CCDC6: variants seen among roughly 807,000 people sequenced by gnomAD.
CCDC6 encodes the protein coiled-coil domain containing 6, also known as coiled-coil domain-containing protein 6.
CCDC6 carries 20 observed loss-of-function variants against 56.6 expected under a neutral mutation model. The ratio of observed to expected loss-of-function variants is 0.35; its 90% CI spans 0.25 to 0.51. The LOEUF (loss-of-function observed/expected upper bound fraction) is 0.51, where lower values mean the gene tolerates loss of function less well. Among genes scored for constraint, CCDC6 ranks in the 20% least tolerant of loss-of-function variants. The pLI is 0.95. For missense variants in CCDC6, 367 were observed against 601.1 expected (o/e 0.61, Z 4.07); for synonymous variants, 241 against 234.4 (o/e 1.03, Z -0.26).
chr10:59,875,673 T>C (rs571897956), intron 1 of CCDC6, among the ~76,000 whole-genome samples: 1 of 152,316 alleles, frequency 6.6e-6, no homozygotes, highest in African/African-American at 2.4e-5. Flanking sequence ...TTTGAGTTAG[T>C]GGTCTGCGCC....
intron 1 of CCDC6, among the ~76,000 whole-genome samples, chr10:59,899,258 G>A (rs2071486475): frequency 6.6e-6 from 1 of 152,096 alleles, no homozygotes. Flanking sequence ...TGCCAACTTT[G>A]ACAATTCAAT....
intron 1 of CCDC6, among the ~76,000 whole-genome samples, chr10:59,884,573 T>G (rs937235458): frequency 6.6e-6 from 1 of 152,064 alleles, no homozygotes; most frequent in African/African-American, 2.4e-5. Context: ...CAGAATACTT[T>G]ACAGCAAGCC....
At chr10:59,866,330 T>C (rs967942037) in intron 1 of CCDC6, among the ~76,000 whole-genome samples, 2 of 152,196 alleles carry the variant, frequency 1.3e-5, no homozygotes, top group Admixed American at 6.5e-5. Flanking sequence ...GGGATTAAGC[T>C]GCACAGAGGA....
intron 1 of CCDC6, among the ~76,000 whole-genome samples, chr10:59,891,693 T>C (rs1352621610): frequency 6.6e-6 from 1 of 152,176 alleles, no homozygotes; most frequent in Non-Finnish European, 1.5e-5. Context: ...AAGGCTCCAA[T>C]AGTTTTGGCT....
At chr10:59,806,717 T>C in intron 6 of CCDC6, 1 of 457,244 alleles carries the variant, frequency 2.2e-6, no homozygotes, top group Non-Finnish European at 3.9e-6. Flanking sequence ...AGAGAGGTGA[T>C]TTTTTTCATC....
intron 5 of CCDC6, 63 bp downstream of exon 5, chr10:59,812,572 C>A (rs2070682113): frequency 9.0e-7 from 1 of 1,111,804 alleles, no homozygotes; most frequent in South Asian, 1.8e-5. Context: ...TTGGTAATAC[C>A]CTATATTTGG....
chr10:59,882,844 C>T (rs975321573), intron 1 of CCDC6, among the ~76,000 whole-genome samples: 5 of 152,082 alleles, frequency 3.3e-5, no homozygotes, highest in African/African-American at 1.2e-4. Context: ...CCTGTAATCC[C>T]AGCTACTCAG....
intron 1 of CCDC6, among the ~76,000 whole-genome samples, chr10:59,865,577 G>A (rs957105365): frequency 3.3e-5 from 5 of 152,146 alleles, no homozygotes; most frequent in African/African-American, 7.2e-5. Flanking sequence ...ATTCTAGCTG[G>A]GCACGGTGGC....
At position 59,852,696 on chromosome 10, in the gene CCDC6, T is replaced by C; in HGVS notation, c.310A>G (p.Arg104Gly). 6.5e-7 allele frequency: 1 copy of C among 1,544,332 alleles called. No homozygotes were observed. Among genetic ancestry groups the C allele is most frequent in the Non-Finnish European group, 8.6e-7 (1 of 1,157,226 alleles). The change falls in exon 2 of 9, where the codon AGG becomes GGG. Residue 104 changes from arginine to glycine, a missense_variant. By Grantham distance (125) the Arg-to-Gly change is moderately radical. Around this residue, in one of 7 missense-constraint regions of CCDC6, gnomAD observed 41 missense variants for 90.8 expected, o/e 0.45. Transcript: ENST00000263102. ...LRKASVTIQARAEQEEEFISN... is the reference protein window; with the variant it reads ...LRKASVTIQAGAEQEEEFISN... ...ATGAATTCTTCTTCCTGCTCAGCCC[T>C]GGCTTGCTGTTTAAAAAAAAAAAAG...
intron 5 of CCDC6, among the ~76,000 whole-genome samples, chr10:59,809,090 T>A (rs992447172): frequency 6.6e-6 from 1 of 152,206 alleles, no homozygotes; most frequent in South Asian, 2.1e-4. Context: ...ATCCCAAATA[T>A]GCAAGCATGC....
chr10:59,833,296 A>G (rs548560061), intron 2 of CCDC6, among the ~76,000 whole-genome samples: 73 of 152,236 alleles, frequency 4.8e-4, no homozygotes, highest in African/African-American at 1.7e-3. Flanking sequence ...TAAAAATATG[A>G]AAGTCAGCTG....
chr10:59,812,946 A>C (rs1258481516), intron 4 of CCDC6, 151 bp from the exon 5 acceptor site: 1 of 578,080 alleles, frequency 1.7e-6, no homozygotes, highest in African/African-American at 1.9e-5. Flanking sequence ...ATTTTACATC[A>C]AACTTCTGCC....
intron 5 of CCDC6, 104 bp downstream of exon 5, chr10:59,812,531 T>G (rs2070681890): frequency 1.3e-6 from 1 of 761,004 alleles, no homozygotes; most frequent in African/African-American, 1.8e-5. Context: ...TATATGAATT[T>G]AATTACTGCA....
rs187240908 is a variant in CCDC6, at chr10:59,828,031, C to T, written c.582+4494G>A. Reference sequence around the variant, plus strand: ...CTCATATCTGATGAGCTAAACTTCACTTATTATATAAACTAATGTGTGCCT... The same window carrying T: ...CTCATATCTGATGAGCTAAACTTCATTTATTATATAAACTAATGTGTGCCT... On this transcript the variant is annotated intron_variant, in intron 3 of 8. Transcript: ENST00000263102. 4.6e-5 allele frequency among the ~76,000 whole-genome samples: 7 copies of T among 152,330 alleles called. No individual in the cohort carries two copies. In the East Asian group the frequency reaches 1.2e-3, roughly 25 times the overall value.
chr10:59,808,221 G>A (rs942698236), intron 5 of CCDC6, among the ~76,000 whole-genome samples: 2 of 152,228 alleles, frequency 1.3e-5, no homozygotes, highest in Non-Finnish European at 2.9e-5. Context: ...CCCAGGCTGA[G>A]CCACTTAGAC....
intron 2 of CCDC6, among the ~76,000 whole-genome samples, chr10:59,834,713 G>GA (rs1554884178): frequency 6.6e-6 from 1 of 152,150 alleles, no homozygotes; most frequent in Non-Finnish European, 1.5e-5. Flanking sequence ...GGACCCAAGA[G>GA]AAAAGCAGGT....
intron 1 of CCDC6, among the ~76,000 whole-genome samples, chr10:59,859,199 CGTGTGTGTGTGTGTGTGT>C (rs66648240): frequency 1.5e-5 from 2 of 137,186 alleles, no homozygotes; most frequent in Non-Finnish European, 3.2e-5. Context: ...CATGTGTGTG[CGTGTGTGTGTGTGTGTGT>C]GTGTGTGTGT....
chr10:59,896,096 G>C (rs2071460896), intron 1 of CCDC6, among the ~76,000 whole-genome samples: 1 of 152,184 alleles, frequency 6.6e-6, no homozygotes, highest in South Asian at 2.1e-4. Context: ...CCTGGACTCT[G>C]CCCTATATGC....
At position 59,906,462 on chromosome 10, in the gene CCDC6, G is replaced by A. The variant is rs915713724; in HGVS notation, c.-38C>T. On this transcript the variant is annotated 5_prime_UTR_variant, in exon 1 of 9. Coordinates refer to ENST00000263102, the MANE Select transcript of CCDC6 (RefSeq NM_005436.5). ...CTGGGGAAAGGAGGAGGAGCAGCAG[G>A]GAGGCGGCGGCGACGAAGGCCGGGC... 1.4e-6 allele frequency: 2 copies of A among 1,447,144 alleles called. No homozygotes were observed. Among genetic ancestry groups the A allele is most frequent in the Non-Finnish European group, 1.8e-6 (2 of 1,114,496 alleles). 89.6% of individuals were successfully genotyped at this position (1,447,144 alleles called of 1,614,324 possible).
Sources: allele counts gnomAD v4.1 joint callset (sites outside exome capture counted in the v4.1 genomes callset), GRCh38; gene constraint gnomAD v4.1.1; regional missense constraint gnomAD v4.1.1; transcripts MANE v1.5; gene names NCBI Gene and HGNC (gene_info 2026-07-23, HGNC 2026-07-21).